The following PAN3 variants were observed in gnomAD, a reference collection of about 807,000 sequenced individuals.
The protein encoded by PAN3 is PAN2-PAN3 deadenylation complex subunit PAN3.
PAN3 carries 19 observed loss-of-function variants against 96.2 expected under a neutral mutation model. The ratio of observed to expected loss-of-function variants is 0.20; its 90% confidence interval spans 0.14 to 0.29. The LOEUF (loss-of-function observed/expected upper bound fraction) is 0.29. Ranked by LOEUF, PAN3 falls within the 10% of genes least tolerant of loss-of-function variation. The pLI is 1.00. For synonymous variants in PAN3, 433 were observed against 406.6 expected (o/e 1.06, Z -0.78); for missense variants, 882 against 1,108.1 (o/e 0.80, Z 2.90).
At chr13:28,206,304 C>T (rs953874607) in intron 5 of PAN3, among the ~76,000 whole-genome samples, 4 of 144,200 alleles carry the variant, frequency 2.8e-5, no homozygotes, top group African/African-American at 7.6e-5. Context: ...TTGATAAGAT[C>T]GTCTAACTGA....
intron 7 of PAN3, among the ~76,000 whole-genome samples, chr13:28,257,757 TA>T (rs1566235249): frequency 1.2e-4 from 17 of 138,802 alleles, no homozygotes; most frequent in South Asian, 4.6e-4. Context: ...AATATATAAT[TA>T]ATTATATATT....
At chr13:28,273,854 T>C (rs1242664976) in intron 14 of PAN3, among the ~76,000 whole-genome samples, 2 of 152,226 alleles carry the variant, frequency 1.3e-5, no homozygotes, top group South Asian at 2.1e-4. Flanking sequence ...TTTCAACTTA[T>C]TTTGTTTAAA....
At chr13:28,184,521 C>T (rs1001531425) in intron 4 of PAN3, among the ~76,000 whole-genome samples, 1 of 152,008 alleles carries the variant, frequency 6.6e-6, no homozygotes, top group Admixed American at 6.6e-5. Flanking sequence ...ATGCCTGCTT[C>T]TTTTTCCACT....
rs1364066277 is a variant in PAN3, at chr13:28,295,296, G to A, written c.*2774G>A. 1 of 152,166 alleles carries A rather than the reference G, an allele frequency of 6.6e-6. No individual in the cohort carries two copies. The highest frequency in any genetic ancestry group is 2.4e-5 in the African/African-American group (1 of 41,446). The allele number at this position is 152,166 out of a possible 1,614,324, so 9.4% of individuals were successfully genotyped here. On this transcript the variant is annotated 3_prime_UTR_variant, in exon 19 of 19. Transcript: ENST00000380958. ...CTTTAATCCTGTTTTCAGTCTCTATGTGTACAGCAGTATTTTTAATAAAGA... is the reference window on the plus strand; with the variant it reads ...CTTTAATCCTGTTTTCAGTCTCTATATGTACAGCAGTATTTTTAATAAAGA...
chr13:28,292,606 A>G lies in PAN3; in HGVS notation c.*84A>G. 1.5e-6 allele frequency: 2 copies of G among 1,366,818 alleles called. No homozygotes were observed. Among genetic ancestry groups the G allele is most frequent in the Non-Finnish European group, 2.0e-6 (2 of 1,024,130 alleles). The allele number at this position is 1,366,818 out of a possible 1,614,324, so 84.7% of individuals were successfully genotyped here. On this transcript the variant is annotated 3_prime_UTR_variant, in exon 19 of 19. Coordinates refer to ENST00000380958, the MANE Select transcript of PAN3 (RefSeq NM_175854.8). ...CTACAGCTGAACTTTTCATCATCTC[A>G]TTCACATTTGGGAAACGAACAGGAG...
chr13:28,263,983 A>G (rs938990415), intron 9 of PAN3, among the ~76,000 whole-genome samples: 2 of 152,166 alleles, frequency 1.3e-5, no homozygotes, highest in South Asian at 4.1e-4. Context: ...TTCCCGCGTA[A>G]CATTTGTTTG....
chr13:28,226,065 T>G (rs887500315), intron 6 of PAN3, among the ~76,000 whole-genome samples: 18 of 152,310 alleles, frequency 1.2e-4, no homozygotes, highest in Non-Finnish European at 1.8e-4. Flanking sequence ...GTTCTTTTTT[T>G]GGGGAAACAG....
chr13:28,171,215 C>T (rs940072139), intron 1 of PAN3, among the ~76,000 whole-genome samples: 5 of 152,106 alleles, frequency 3.3e-5, no homozygotes, highest in African/African-American at 9.7e-5. Context: ...AATGTGTTCC[C>T]CTTTCACTTC....
intron 6 of PAN3, among the ~76,000 whole-genome samples, chr13:28,234,328 TGA>T (rs1882877616): frequency 6.6e-6 from 1 of 152,154 alleles, no homozygotes; most frequent in Admixed American, 6.5e-5. Context: ...CCCAAAGTGC[TGA>T]GATTACTGGC....
chr13:28,241,203 C>T (rs747360505), intron 6 of PAN3, among the ~76,000 whole-genome samples: 3 of 152,094 alleles, frequency 2.0e-5, no homozygotes, highest in Admixed American at 1.3e-4. Context: ...GTTGAGGCTT[C>T]AGTGAACCAT....
At chr13:28,205,861 TAAA>T (rs369273234) in intron 5 of PAN3, among the ~76,000 whole-genome samples, 2 of 133,150 alleles carry the variant, frequency 1.5e-5, no homozygotes, top group Non-Finnish European at 1.6e-5. Flanking sequence ...AACTGTTTCT[TAAA>T]AAAAAAAAAA....
At chr13:28,141,007 T>TTATTTTTA (rs758738862) in intron 1 of PAN3, among the ~76,000 whole-genome samples, 8,363 of 135,100 alleles carry the variant, frequency 0.062, 452 homozygotes, top group East Asian at 0.31. Context: ...GAGACACTTT[T>TTATTTTTA]TTTTTTTTTT....
At position 28,153,232 on chromosome 13, in the gene PAN3, C is replaced by CTTTTTTTTT. The variant is rs10651877; in HGVS notation, c.430+14159_430+14167dup. Among the ~76,000 whole-genome samples the CTTTTTTTTT allele has an allele frequency of 6.9e-5, 7 of 101,532 alleles. 1 individual carries two copies. Among genetic ancestry groups the CTTTTTTTTT allele is most frequent in the Non-Finnish European group, 1.1e-4 (6 of 53,254 alleles). The allele number at this position is 101,532 out of a possible 152,430, so 66.6% of individuals were successfully genotyped here. A position where few individuals can be genotyped will look rare whatever the true frequency, so the allele number is the denominator to read the frequency against. ...AAGTTACAAAACTATGTATAATACG[C>CTTTTTTTTT]TTTTTTTTTTTTTTTTTTTTTTGAG... On this transcript the variant is annotated intron_variant, in intron 1 of 18. Coordinates refer to ENST00000380958, the MANE Select transcript of PAN3 (RefSeq NM_175854.8).
Position 28,138,840 on chromosome 13 carries a change from G to A in PAN3, c.183G>A (p.Gly61=). 1 of 1,423,530 alleles carries A rather than the reference G, an allele frequency of 7.0e-7. No homozygotes were observed. Among genetic ancestry groups the A allele is most frequent in the East Asian group, 3.0e-5 (1 of 33,748 alleles). The allele number at this position is 1,423,530 out of a possible 1,614,324, so 88.2% of individuals were successfully genotyped here. Residue 61 remains glycine, a synonymous_variant, in exon 1 of 19, where the codon GGG becomes GGA. Transcript: ENST00000380958. ...CTAAGGATAAGACTTGCTTCTACGG[G>A]GAGGAGTGTCAGTTCCTGCATGAGG... The part of the protein sequence containing the change: ...YYAKDKTCFY[G]EECQFLHEDP...
chr13:28,194,155 AAAT>A lies in PAN3; in HGVS notation c.691-3027_691-3025del, dbSNP rs1438012005. Among the ~76,000 whole-genome samples the A allele has an allele frequency of 3.9e-4, 54 of 137,358 alleles. 2 individuals are homozygous for A. Among genetic ancestry groups the A allele is most frequent in the East Asian group, 3.0e-4 (1 of 3,376 alleles). The allele number at this position is 137,358 out of a possible 152,430, so 90.1% of individuals were successfully genotyped here. On this transcript the variant is annotated intron_variant, in intron 4 of 18. Transcript: ENST00000380958. ...CTGGGCGATGGAGTCTCAAAAAAAA[AAAT>A]AAAAAGAGACACTGTCTCAAAAAAA...
intron 1 of PAN3, among the ~76,000 whole-genome samples, chr13:28,171,669 G>A (rs985697413): frequency 1.3e-5 from 2 of 152,104 alleles, no homozygotes; most frequent in Non-Finnish European, 2.9e-5. Flanking sequence ...TTTTCTCTGT[G>A]GAGTTGGGGT....
At chr13:28,195,092 G>T (rs933737036) in intron 4 of PAN3, among the ~76,000 whole-genome samples, 5 of 152,068 alleles carry the variant, frequency 3.3e-5, no homozygotes, top group Non-Finnish European at 7.4e-5. Context: ...TTGCATAAAG[G>T]TGGAGGTATG....
At chr13:28,289,703 A>G (rs1157677061) in intron 18 of PAN3, among the ~76,000 whole-genome samples, 1 of 152,098 alleles carries the variant, frequency 6.6e-6, no homozygotes, top group African/African-American at 2.4e-5. Flanking sequence ...AACACGGTGA[A>G]ACCCCGTCCC....
chr13:28,286,942 G>C (rs1273354446), intron 17 of PAN3, among the ~76,000 whole-genome samples: 1 of 151,954 alleles, frequency 6.6e-6, no homozygotes, highest in Non-Finnish European at 1.5e-5. Flanking sequence ...TCTCATCCTG[G>C]CGTCAAATCT....
Sources: allele counts gnomAD v4.1 joint callset (sites outside exome capture counted in the v4.1 genomes callset), GRCh38; gene constraint gnomAD v4.1.1; transcripts MANE v1.5; gene names NCBI Gene and HGNC (gene_info 2026-07-23, HGNC 2026-07-21).